The following ZNF827 variants were observed in gnomAD, a reference collection of about 807,000 sequenced individuals.
ZNF827 encodes the protein zinc finger protein 827.
ZNF827 carries 13 observed loss-of-function variants against 102.4 expected under a neutral mutation model. That is an observed-to-expected ratio of 0.13 (90% CI 0.08 to 0.20). The LOEUF is 0.20. ZNF827 is among the 10% of genes least tolerant of loss of function. ZNF827 has a pLI of 1.00. For synonymous variants in ZNF827, 523 were observed against 536.2 expected, an observed-to-expected ratio of 0.98 and a Z score of 0.34; for missense variants, 1,103 against 1,344.4, an observed-to-expected ratio of 0.82 and a Z score of 2.81.
At chr4:145,873,427 G>T (rs1228395340) in intron 4 of ZNF827, among the ~76,000 whole-genome samples, 4 of 152,280 alleles carry the variant, frequency 2.6e-5, no homozygotes, top group African/African-American at 9.6e-5. Flanking sequence ...AAAGCAATCA[G>T]AAGTGCTTTC....
intron 8 of ZNF827, among the ~76,000 whole-genome samples, chr4:145,802,802 A>G (rs1741045908): frequency 6.6e-6 from 1 of 152,136 alleles, no homozygotes; most frequent in African/African-American, 2.4e-5. Context: ...AGTTAGCTAG[A>G]CAAGGTGGTA....
rs142459290 is a variant in ZNF827, at chr4:145,928,281, C to T, written c.43+10084G>A. Among the ~76,000 whole-genome samples, 911 of 152,248 alleles carry T rather than the reference C, an allele frequency of 6.0e-3. 18 individuals carry two copies. Among genetic ancestry groups the T allele is most frequent in the Non-Finnish European group, 3.0e-3 (202 of 68,014 alleles). ...CATCACCCAGGGAGCTTTTAAAAAA[C>T]GTTCATGCTCAAGCTCCACTCTGGG... On this transcript the variant is annotated intron_variant, in intron 1 of 14. Transcript: ENST00000508784.
intron 5 of ZNF827, among the ~76,000 whole-genome samples, chr4:145,861,831 C>A (rs1747761203): frequency 6.6e-6 from 1 of 152,192 alleles, no homozygotes; most frequent in Admixed American, 6.5e-5. Context: ...GAGTTCTTGC[C>A]TGGTTTCTGG....
At chr4:145,791,764 C>G (rs900046267) in intron 8 of ZNF827, among the ~76,000 whole-genome samples, 1 of 152,146 alleles carries the variant, frequency 6.6e-6, no homozygotes, top group Admixed American at 6.6e-5. Context: ...ACAGGTTTTA[C>G]TTATATAATT....
At chr4:145,822,247 A>G (rs772055918) in intron 8 of ZNF827, among the ~76,000 whole-genome samples, 1 of 152,228 alleles carries the variant, frequency 6.6e-6, no homozygotes, top group Non-Finnish European at 1.5e-5. Context: ...GCATGCAGGT[A>G]TCTGGATTCT....
chr4:145,851,868 T>C (rs1049573801), intron 5 of ZNF827, among the ~76,000 whole-genome samples: 7 of 152,198 alleles, frequency 4.6e-5, no homozygotes, highest in African/African-American at 1.7e-4. Flanking sequence ...TGCCTTTACT[T>C]CCAGTTCATC....
chr4:145,936,765 C>A (rs1754203883), intron 1 of ZNF827, among the ~76,000 whole-genome samples: 1 of 152,208 alleles, frequency 6.6e-6, no homozygotes, highest in Non-Finnish European at 1.5e-5. Context: ...AACCTTAACC[C>A]TTCCCCCACC....
At chr4:145,823,359 C>A in intron 8 of ZNF827, 63 bp downstream of exon 8, 1 of 1,360,562 alleles carries the variant, frequency 7.3e-7, no homozygotes, top group South Asian at 1.2e-5. Flanking sequence ...AAAATTCACA[C>A]ATTTCAGAAA....
intron 8 of ZNF827, among the ~76,000 whole-genome samples, chr4:145,812,131 G>A (rs1742082137): frequency 6.6e-6 from 1 of 150,678 alleles, no homozygotes; most frequent in Non-Finnish European, 1.5e-5. Flanking sequence ...CCACCATGTT[G>A]GTCAGGCTGG....
chr4:145,882,506 C>T (rs1052444206), intron 4 of ZNF827, among the ~76,000 whole-genome samples: 6 of 151,952 alleles, frequency 3.9e-5, no homozygotes, highest in Admixed American at 3.3e-4. Context: ...TAAGAAACCT[C>T]TAACAGGAAT....
intron 5 of ZNF827, among the ~76,000 whole-genome samples, chr4:145,859,453 G>A (rs994612845): frequency 6.6e-6 from 1 of 151,968 alleles, no homozygotes; most frequent in Non-Finnish European, 1.5e-5. Context: ...GATAGGGTAC[G>A]GTCCCTAGTC....
At chr4:145,776,547 C>G (rs1365764448) in intron 9 of ZNF827, among the ~76,000 whole-genome samples, 1 of 151,348 alleles carries the variant, frequency 6.6e-6, no homozygotes, top group Non-Finnish European at 1.5e-5. Context: ...GCCCATTTTC[C>G]TGATAAGGTA....
chr4:145,898,194 A>T (rs1436296799), intron 2 of ZNF827, among the ~76,000 whole-genome samples: 1 of 152,176 alleles, frequency 6.6e-6, no homozygotes, highest in East Asian at 1.9e-4. Context: ...GCCTAATGGG[A>T]GTATCAGGAG....
At chr4:145,900,411 TTC>T (rs777812413) in intron 2 of ZNF827, among the ~76,000 whole-genome samples, 9 of 152,124 alleles carry the variant, frequency 5.9e-5, no homozygotes, top group Admixed American at 2.0e-4. Flanking sequence ...AATTATTATT[TTC>T]TTTTTTTTAT....
rs1293647729 is a variant in ZNF827 at position 145,807,553 on chromosome 4, A to G, written c.2383+15869T>C. On this transcript the variant is annotated intron_variant, in intron 8 of 14. Coordinates refer to ENST00000508784, the MANE Select transcript of ZNF827 (RefSeq NM_001306215.2). ...AGTGGCGCCATCTCAGCTCACTGCA[A>G]CCAACGCCTCCTGGGTTCAAGCAGT... Among the ~76,000 whole-genome samples, 9 of 152,024 alleles carry G rather than the reference A, an allele frequency of 5.9e-5. No homozygotes were observed. In the East Asian group the frequency reaches 1.5e-3, roughly 26 times the overall value.
chr4:145,912,527 C>T (rs775022327), intron 1 of ZNF827, among the ~76,000 whole-genome samples: 1 of 152,182 alleles, frequency 6.6e-6, no homozygotes, highest in Non-Finnish European at 1.5e-5. Context: ...GAAGTTCTAA[C>T]CCCCAGTACA....
intron 10 of ZNF827, 102 bp from the exon 11 acceptor site, chr4:145,774,774 A>G: frequency 7.8e-7 from 1 of 1,289,928 alleles, no homozygotes; most frequent in Non-Finnish European, 1.1e-6. Flanking sequence ...GAAAACTGGA[A>G]TTTGAAACAC....
chr4:145,761,134 C>T lies in ZNF827; in HGVS notation c.*482G>A, dbSNP rs540108033. ...GACCACCAGGAGCGGGGCCCCCGGG[C>T]CGGCCGGTTCCTTGGGGGCTGGACA... On this transcript the variant is annotated 3_prime_UTR_variant, in exon 15 of 15. Coordinates refer to ENST00000508784, the MANE Select transcript of ZNF827 (RefSeq NM_001306215.2). The surrounding 1 kb of genome is among the most constrained non-coding windows in gnomAD (Gnocchi z 6.8). 2 of 1,289,684 alleles carry T rather than the reference C, an allele frequency of 1.6e-6. No individual in the cohort carries two copies. Among genetic ancestry groups the T allele is most frequent in the Admixed American group, 2.3e-5 (1 of 43,572 alleles). 79.9% of individuals were successfully genotyped at this position (1,289,684 alleles called of 1,614,324 possible). A position where few individuals can be genotyped will look rare whatever the true frequency, so the allele number is the denominator to read the frequency against.
chr4:145,797,149 C>T (rs886440280), intron 8 of ZNF827, among the ~76,000 whole-genome samples: 1 of 152,168 alleles, frequency 6.6e-6, no homozygotes, highest in Non-Finnish European at 1.5e-5. Flanking sequence ...CTCTGACTTA[C>T]ACAATTCTGG....
Sources: gnomAD v4.1 joint callset for allele counts (sites outside exome capture counted in the v4.1 genomes callset) on GRCh38, gnomAD v4.1.1 for gene constraint, Gnocchi (gnomAD v3.1) non-coding constraint, MANE v1.5 for transcripts, NCBI Gene and HGNC (gene_info 2026-07-23, HGNC 2026-07-21) for gene names.